EHBP1: variants seen among roughly 807,000 people sequenced by gnomAD.
The protein encoded by EHBP1 is EH domain binding protein 1.
A neutral mutation model predicts 144.0 loss-of-function variants in EHBP1; 55 were observed. The ratio of observed to expected loss-of-function variants is 0.38; its 90% CI spans 0.31 to 0.48. The LOEUF (loss-of-function observed/expected upper bound fraction) is 0.48, where lower values mean the gene tolerates loss of function less well. EHBP1 is among the 20% of genes least tolerant of loss of function. The pLI is 0.98. For synonymous variants in EHBP1, 469 were observed against 472.7 expected (o/e 0.99, Z 0.10); for missense variants, 1,200 against 1,364.2 (o/e 0.88, Z 1.90).
chr2:62,790,586 G>A (rs1391251962), intron 5 of EHBP1, among the ~76,000 whole-genome samples: 4 of 152,212 alleles, frequency 2.6e-5, no homozygotes, highest in East Asian at 3.9e-4. Flanking sequence ...AACACTTGTT[G>A]TGTTGTAACT....
chr2:62,951,539 G>C (rs549287488), intron 13 of EHBP1, among the ~76,000 whole-genome samples: 8 of 142,482 alleles, frequency 5.6e-5, no homozygotes, highest in East Asian at 4.2e-4. Context: ...TTTTTTGGGG[G>C]GGGGGGGTGG....
At chr2:62,688,736 A>T (rs891088937) in intron 1 of EHBP1, among the ~76,000 whole-genome samples, 1 of 151,824 alleles carries the variant, frequency 6.6e-6, no homozygotes, top group Non-Finnish European at 1.5e-5. Context: ...TTTAACTTTC[A>T]TTCATCACTT....
intron 5 of EHBP1, among the ~76,000 whole-genome samples, chr2:62,773,850 C>CAAAAAAAAAAAAAAAAAAA (rs570715468): frequency 4.8e-5 from 2 of 41,542 alleles, no homozygotes; most frequent in Non-Finnish European, 8.2e-5. Context: ...GACTCCATCT[C>CAAAAAAAAAAAAAAAAAAA]AAAAAAAAAA....
At chr2:62,977,602 A>G (rs1034426395) in intron 14 of EHBP1, among the ~76,000 whole-genome samples, 3 of 152,078 alleles carry the variant, frequency 2.0e-5, no homozygotes, top group Admixed American at 6.6e-5. Flanking sequence ...CTCTTTCTCT[A>G]TATAAGTTTT....
At chr2:62,872,670 GT>G (rs1041542102) in intron 9 of EHBP1, among the ~76,000 whole-genome samples, 2 of 151,946 alleles carry the variant, frequency 1.3e-5, no homozygotes, top group Non-Finnish European at 1.5e-5. Flanking sequence ...TCACTATATT[GT>G]TCTACCATTA....
intron 5 of EHBP1, among the ~76,000 whole-genome samples, chr2:62,820,383 A>C (rs1245979857): frequency 6.6e-6 from 1 of 151,886 alleles, no homozygotes; most frequent in East Asian, 1.9e-4. Context: ...AAAATTTATC[A>C]TTTCAGACAT....
intron 10 of EHBP1, among the ~76,000 whole-genome samples, chr2:62,914,522 T>C (rs2054459884): frequency 6.6e-6 from 1 of 152,110 alleles, no homozygotes; most frequent in Admixed American, 6.6e-5. Context: ...TTTTGAAATG[T>C]ATAATCTCCC....
At chr2:62,697,771 T>G (rs2151756619) in intron 1 of EHBP1, among the ~76,000 whole-genome samples, 1 of 152,372 alleles carries the variant, frequency 6.6e-6, no homozygotes, top group South Asian at 2.1e-4. Flanking sequence ...TTCAAAGTTG[T>G]ACTCTTGAAC....
chr2:62,816,233 T>G (rs2045439757), intron 5 of EHBP1, among the ~76,000 whole-genome samples: 1 of 152,148 alleles, frequency 6.6e-6, no homozygotes, highest in African/African-American at 2.4e-5. Flanking sequence ...TTAAAGAGAC[T>G]TTAGAGAGAG....
intron 5 of EHBP1, among the ~76,000 whole-genome samples, chr2:62,811,267 C>G (rs1252644311): frequency 6.6e-6 from 1 of 152,176 alleles, no homozygotes. Flanking sequence ...GAGAGAGCTT[C>G]CTGTGGCATG....
At chr2:62,821,679 CAAA>C (rs1446309349) in intron 5 of EHBP1, among the ~76,000 whole-genome samples, 6 of 152,004 alleles carry the variant, frequency 3.9e-5, no homozygotes, top group Non-Finnish European at 8.8e-5. Flanking sequence ...GACCGTGGCT[CAAA>C]AAAGCAACAA....
chr2:62,682,146 G>T (rs35765206), intron 1 of EHBP1, among the ~76,000 whole-genome samples: 16,557 of 152,288 alleles, frequency 0.11, 1,189 homozygotes, highest in East Asian at 0.19. Context: ...CATTTAGGAA[G>T]GATGTGGAGG....
intron 6 of EHBP1, among the ~76,000 whole-genome samples, chr2:62,828,205 G>A (rs191142986): frequency 7.6e-4 from 116 of 152,150 alleles, no homozygotes; most frequent in South Asian, 6.2e-3. Flanking sequence ...AGAAGATAAC[G>A]GCGTATTAAG....
intron 4 of EHBP1, among the ~76,000 whole-genome samples, chr2:62,769,023 G>A (rs1451571876): frequency 6.6e-6 from 1 of 151,850 alleles, no homozygotes; most frequent in Non-Finnish European, 1.5e-5. Context: ...CAAAATAATA[G>A]CTATCGATGA....
intron 7 of EHBP1, among the ~76,000 whole-genome samples, chr2:62,846,848 G>A (rs2048331635): frequency 6.6e-6 from 1 of 152,162 alleles, no homozygotes; most frequent in African/African-American, 2.4e-5. Context: ...AATAAATGGA[G>A]AGATAACCTG....
chr2:62,954,417 A>C (rs1250428636), intron 13 of EHBP1, among the ~76,000 whole-genome samples: 1 of 152,196 alleles, frequency 6.6e-6, no homozygotes, highest in African/African-American at 2.4e-5. Context: ...TGTATCTATT[A>C]AGTTAAGAAT....
chr2:62,804,372 T>A (rs1046868208), intron 5 of EHBP1, among the ~76,000 whole-genome samples: 2 of 152,212 alleles, frequency 1.3e-5, no homozygotes, highest in African/African-American at 4.8e-5. Flanking sequence ...GAGAAGATTG[T>A]TCAGTAAATG....
intron 5 of EHBP1, among the ~76,000 whole-genome samples, chr2:62,780,071 C>T (rs891112281): frequency 6.6e-6 from 1 of 152,002 alleles, no homozygotes; most frequent in South Asian, 2.1e-4. Flanking sequence ...AAAAGGTGAC[C>T]TACCAGCAAA....
intron 7 of EHBP1, among the ~76,000 whole-genome samples, chr2:62,850,534 G>A (rs2048618781): frequency 6.6e-6 from 1 of 152,068 alleles, no homozygotes; most frequent in African/African-American, 2.4e-5. Context: ...TCAATGTGAA[G>A]CAGGTCCATA....
Sources: gnomAD v4.1 joint callset for allele counts (sites outside exome capture counted in the v4.1 genomes callset) on GRCh38, gnomAD v4.1.1 for gene constraint, MANE v1.5 for transcripts, NCBI Gene and HGNC (gene_info 2026-07-23, HGNC 2026-07-21) for gene names.